Variants in EXOC4 observed in about 807,000 individuals in gnomAD.
EXOC4 encodes the protein exocyst complex component 4, also known as SEC8-like 1.
Under a neutral mutation model 107.2 loss-of-function variants are expected in EXOC4, and 71 were observed. The ratio of observed to expected loss-of-function variants is 0.66; its 90% CI spans 0.55 to 0.81. The LOEUF (loss-of-function observed/expected upper bound fraction) is 0.81, where lower values mean the gene tolerates loss of function less well. EXOC4 is among the 30% of genes least tolerant of loss of function. The pLI, the probability that EXOC4 is intolerant of heterozygous loss-of-function variation, is 0.00. For synonymous variants in EXOC4, 456 were observed against 441.2 expected (o/e 1.03, Z -0.42); for missense variants, 1,108 against 1,189.6 (o/e 0.93, Z 1.01).
chr7:133,625,923 C>T (rs1269628058), intron 9 of EXOC4, among the ~76,000 whole-genome samples: 1 of 152,058 alleles, frequency 6.6e-6, no homozygotes, highest in African/African-American at 2.4e-5. Flanking sequence ...AAGAAGGCTC[C>T]TGGCCAGCGA....
At chr7:133,408,064 G>A (rs1252612783) in intron 7 of EXOC4, among the ~76,000 whole-genome samples, 1 of 152,138 alleles carries the variant, frequency 6.6e-6, no homozygotes, top group Non-Finnish European at 1.5e-5. Context: ...TGTTGGAGGT[G>A]TTGATGGTGT....
At chr7:133,405,707 T>A (rs1408296995) in intron 7 of EXOC4, among the ~76,000 whole-genome samples, 1 of 152,230 alleles carries the variant, frequency 6.6e-6, no homozygotes, top group Non-Finnish European at 1.5e-5. Flanking sequence ...TATGATAAAC[T>A]TTAACTTATA....
intron 9 of EXOC4, among the ~76,000 whole-genome samples, chr7:133,546,333 G>T (rs1216575633): frequency 7.0e-6 from 1 of 143,058 alleles, no homozygotes; most frequent in Non-Finnish European, 1.5e-5. Context: ...CTTGGTCACT[G>T]CAGCCTCTGC....
At chr7:133,374,773 C>A in intron 6 of EXOC4, 55 bp from the exon 7 acceptor site, 23 of 1,434,254 alleles carry the variant, frequency 1.6e-5, no homozygotes, top group Non-Finnish European at 2.2e-5. Flanking sequence ...TCACTGTAAG[C>A]CATTTATCTG....
intron 17 of EXOC4, among the ~76,000 whole-genome samples, chr7:134,058,340 G>T (rs1795978386): frequency 6.6e-6 from 1 of 152,132 alleles, no homozygotes; most frequent in African/African-American, 2.4e-5. Context: ...AGGACTACAA[G>T]AGAAAGTCTT....
chr7:133,437,721 C>T (rs1366850329), intron 7 of EXOC4, among the ~76,000 whole-genome samples: 1 of 152,172 alleles, frequency 6.6e-6, no homozygotes, highest in Non-Finnish European at 1.5e-5. Context: ...CTCTGCTTCC[C>T]ATCATCCAGG....
At chr7:133,544,465 C>G (rs1254455122) in intron 9 of EXOC4, among the ~76,000 whole-genome samples, 1 of 152,000 alleles carries the variant, frequency 6.6e-6, no homozygotes, top group Non-Finnish European at 1.5e-5. Flanking sequence ...TTTTTGGTAT[C>G]TTTATTCTGA....
At chr7:133,310,984 G>A (rs1162778883) in intron 4 of EXOC4, among the ~76,000 whole-genome samples, 1 of 152,196 alleles carries the variant, frequency 6.6e-6, no homozygotes, top group East Asian at 1.9e-4. Context: ...TACGTATAAA[G>A]AAGACCAGAT....
At chr7:133,917,188 C>T (rs1040482611) in intron 12 of EXOC4, among the ~76,000 whole-genome samples, 6 of 152,166 alleles carry the variant, frequency 3.9e-5, no homozygotes, top group Non-Finnish European at 5.9e-5. Flanking sequence ...GTAACACTTC[C>T]GTCACCTTTC....
chr7:133,502,042 A>G (rs559556785), intron 9 of EXOC4, among the ~76,000 whole-genome samples: 50 of 152,304 alleles, frequency 3.3e-4, no homozygotes, highest in Middle Eastern at 3.4e-3. Flanking sequence ...GCAATGGAGC[A>G]GGGCCGCAAT....
At position 133,839,337 on chromosome 7, in the gene EXOC4, AG is replaced by A. The variant is rs568571804; in HGVS notation, c.1734+21794del. 4.8e-3 allele frequency among the ~76,000 whole-genome samples: 735 copies of A among 152,316 alleles called. 3 individuals are homozygous for A. The highest frequency in any genetic ancestry group is 0.017 in the Middle Eastern group (5 of 294). ...TCTGATCCTATTTGGATAATGAGAT[AG>A]TTTGTTGTGCCTGCAATGAAGAAAA... is the stretch of plus-strand genomic sequence containing the variant. On this transcript the variant is annotated intron_variant, in intron 11 of 17. Transcript: ENST00000253861.
chr7:133,453,060 A>G (rs1157500591), intron 7 of EXOC4, among the ~76,000 whole-genome samples: 1 of 152,222 alleles, frequency 6.6e-6, no homozygotes, highest in Admixed American at 6.5e-5. Context: ...AGAATAAACC[A>G]TAAATATGAA....
At chr7:133,855,142 T>A (rs1018347974) in intron 11 of EXOC4, among the ~76,000 whole-genome samples, 28 of 129,132 alleles carry the variant, frequency 2.2e-4, no homozygotes, top group Admixed American at 4.0e-4. Flanking sequence ...TATATATATA[T>A]AAATATATAT....
chr7:133,612,330 G>A (rs1239667370), intron 9 of EXOC4, among the ~76,000 whole-genome samples: 1 of 152,110 alleles, frequency 6.6e-6, no homozygotes, highest in Non-Finnish European at 1.5e-5. Context: ...ATTTTCTGCT[G>A]ACTAGATTTA....
At chr7:133,645,701 G>T (rs913517732) in intron 10 of EXOC4, among the ~76,000 whole-genome samples, 2 of 151,940 alleles carry the variant, frequency 1.3e-5, no homozygotes. Flanking sequence ...ACAGTTCATC[G>T]TTCAGGTTTT....
At chr7:133,532,159 G>T (rs1207769171) in intron 9 of EXOC4, among the ~76,000 whole-genome samples, 1 of 152,012 alleles carries the variant, frequency 6.6e-6, no homozygotes, top group Admixed American at 6.6e-5. Context: ...TTTAGATAAG[G>T]AATGCTCAGT....
intron 10 of EXOC4, among the ~76,000 whole-genome samples, chr7:133,669,168 G>A (rs1022813382): frequency 5.9e-5 from 9 of 151,730 alleles, no homozygotes; most frequent in South Asian, 2.1e-4. Flanking sequence ...TTTCCCCCTC[G>A]CTCAGGGAGG....
At chr7:133,530,448 G>A (rs1800160789) in intron 9 of EXOC4, among the ~76,000 whole-genome samples, 1 of 152,140 alleles carries the variant, frequency 6.6e-6, no homozygotes, top group South Asian at 2.1e-4. Flanking sequence ...CACCTGTACA[G>A]CATGTTATTG....
intron 10 of EXOC4, among the ~76,000 whole-genome samples, chr7:133,685,208 G>A (rs924642599): frequency 2.0e-5 from 3 of 152,160 alleles, no homozygotes; most frequent in African/African-American, 7.2e-5. Context: ...ATTTTGAATT[G>A]TAATCTCCAT....
Sources: gnomAD v4.1 joint callset for allele counts (sites outside exome capture counted in the v4.1 genomes callset) on GRCh38, gnomAD v4.1.1 for gene constraint, MANE v1.5 for transcripts, NCBI Gene and HGNC (gene_info 2026-07-23, HGNC 2026-07-21) for gene names.